Variants in ASB15 observed in about 807,000 individuals in gnomAD.
ASB15 encodes ankyrin repeat and SOCS box containing 15, also known as ankyrin repeat and SOCS box protein 15.
In ASB15, 54 loss-of-function variants were observed where a neutral mutation model predicts 58.0. The ratio of observed to expected loss-of-function variants is 0.93; its 90% CI spans 0.75 to 1.17. ASB15 has a LOEUF of 1.17. ASB15 is among the 50% of genes most tolerant of loss of function. The pLI, the probability that ASB15 is intolerant of heterozygous loss-of-function variation, is 0.00. For missense variants in ASB15, 680 were observed against 707.4 expected (o/e 0.96, Z 0.44); for synonymous variants, 249 against 262.4 (o/e 0.95, Z 0.50).
At position 123,628,921 on chromosome 7, in the gene ASB15, A is replaced by G; in HGVS notation, c.927A>G (p.Leu309=). ...AAAATGCAATTCGGAAAAGTGGGCT[A>G]ACACCAATTCACTCAGCAGCAGATG... ...TSKNAIRKSG[L]TPIHSAADGQ... The change falls in exon 10 of 12, where the codon CTA becomes CTG. Residue 309 remains leucine, a synonymous_variant. Transcript: ENST00000451215. 6.3e-7 allele frequency: 1 copy of G among 1,597,916 alleles called. No individual in the cohort carries two copies. The highest frequency in any genetic ancestry group is 8.5e-7 in the Non-Finnish European group (1 of 1,173,198).
chr7:123,569,089 A>C (rs1025424861), intron 1 of ASB15, among the ~76,000 whole-genome samples: 1 of 152,328 alleles, frequency 6.6e-6, no homozygotes, highest in Admixed American at 6.5e-5. Flanking sequence ...AGTCTATTGA[A>C]GTTTAGTCTG....
intron 1 of ASB15, among the ~76,000 whole-genome samples, chr7:123,588,581 T>C (rs1356998843): frequency 2.0e-5 from 3 of 151,010 alleles, no homozygotes; most frequent in African/African-American, 7.3e-5. Context: ...CTTCCTCCCT[T>C]CCTTCCTTCC....
At chr7:123,579,379 T>C (rs1387809755) in intron 1 of ASB15, among the ~76,000 whole-genome samples, 4 of 152,140 alleles carry the variant, frequency 2.6e-5, no homozygotes, top group Non-Finnish European at 5.9e-5. Flanking sequence ...TGAATAACTA[T>C]TGTTAAATTT....
intron 1 of ASB15, among the ~76,000 whole-genome samples, chr7:123,589,426 T>C (rs1380623554): frequency 1.3e-5 from 2 of 151,630 alleles, no homozygotes; most frequent in Non-Finnish European, 2.9e-5. Context: ...ACCCATCAAC[T>C]CATCATTTAC....
intron 2 of ASB15, among the ~76,000 whole-genome samples, chr7:123,607,365 T>C (rs1800200422): frequency 6.6e-6 from 1 of 152,250 alleles, no homozygotes; most frequent in South Asian, 2.1e-4. Flanking sequence ...TAATGTCTTA[T>C]ACAAATTTCC....
chr7:123,570,022 G>A (rs1348083802), intron 1 of ASB15, among the ~76,000 whole-genome samples: 2 of 144,492 alleles, frequency 1.4e-5, no homozygotes, highest in Non-Finnish European at 3.0e-5. Flanking sequence ...TACAACTACT[G>A]CCATAGCTTT....
At chr7:123,585,864 A>C (rs913801375) in intron 1 of ASB15, among the ~76,000 whole-genome samples, 2 of 151,810 alleles carry the variant, frequency 1.3e-5, no homozygotes, top group Non-Finnish European at 2.9e-5. Flanking sequence ...TTCACCTACT[A>C]TAAGGTCCTC....
chr7:123,630,438 T>C (rs1026897725), intron 11 of ASB15, among the ~76,000 whole-genome samples: 3 of 152,238 alleles, frequency 2.0e-5, no homozygotes, highest in African/African-American at 7.2e-5. Context: ...AGATCTACTT[T>C]GTTTCTTGTT....
chr7:123,569,776 A>G (rs1006183562), intron 1 of ASB15, among the ~76,000 whole-genome samples: 1 of 152,154 alleles, frequency 6.6e-6, no homozygotes, highest in Non-Finnish European at 1.5e-5. Flanking sequence ...TGCAGGGGAC[A>G]TGTAGGAAAC....
At chr7:123,606,823 C>A (rs1172178588) in intron 2 of ASB15, among the ~76,000 whole-genome samples, 1 of 152,144 alleles carries the variant, frequency 6.6e-6, no homozygotes, top group Non-Finnish European at 1.5e-5. Context: ...TGTAAATACA[C>A]AGCACATTTT....
intron 1 of ASB15, among the ~76,000 whole-genome samples, chr7:123,592,651 C>G (rs923287255): frequency 6.6e-6 from 1 of 151,976 alleles, no homozygotes; most frequent in Admixed American, 6.6e-5. Flanking sequence ...TCTGAGAGAC[C>G]GTTTGTTGCG....
At chr7:123,584,741 A>G (rs1405999109) in intron 1 of ASB15, 2 of 152,018 alleles carry the variant, frequency 1.3e-5, no homozygotes, top group Non-Finnish European at 2.9e-5. Context: ...CTATTCACGA[A>G]GAAATAAAAA....
At chr7:123,581,434 G>T (rs1338154493) in intron 1 of ASB15, among the ~76,000 whole-genome samples, 1 of 124,432 alleles carries the variant, frequency 8.0e-6, no homozygotes, top group South Asian at 2.9e-4. Flanking sequence ...AAAAAAAAAG[G>T]TACTCTCCAG....
chr7:123,595,477 T>A (rs947809298), intron 1 of ASB15, among the ~76,000 whole-genome samples: 1 of 152,242 alleles, frequency 6.6e-6, no homozygotes. Flanking sequence ...AGACTATCCT[T>A]TCTGAAGGAA....
intron 1 of ASB15, among the ~76,000 whole-genome samples, chr7:123,602,261 A>T (rs1799914108): frequency 6.6e-6 from 1 of 152,170 alleles, no homozygotes; most frequent in African/African-American, 2.4e-5. Context: ...AATAAAAAAA[A>T]TTAAATAATT....
intron 8 of ASB15, among the ~76,000 whole-genome samples, chr7:123,625,829 C>T (rs983756983): frequency 6.6e-6 from 1 of 152,186 alleles, no homozygotes; most frequent in Non-Finnish European, 1.5e-5. Context: ...CGCATGATCC[C>T]CAGTGATTCC....
rs1802543100 is a variant in ASB15 at position 123,639,449 on chromosome 7, G to A, written c.*2468G>A. The A allele has an allele frequency of 6.6e-6, 1 of 152,112 alleles. No individual in the cohort carries two copies. The highest frequency in any genetic ancestry group is 6.5e-5 in the Admixed American group (1 of 15,274). The allele number at this position is 152,112 out of a possible 1,614,324, so 9.4% of individuals were successfully genotyped here. ...TATTGAGGTTATAAGTCTGCTTTAT[G>A]ATACTTCATATATTAAACTTTTGCT... On this transcript the variant is annotated 3_prime_UTR_variant, in exon 12 of 12. Transcript: ENST00000451215.
upstream of ASB15, among the ~76,000 whole-genome samples, chr7:123,599,213 C>A (rs369683772): frequency 6.6e-6 from 1 of 151,820 alleles, no homozygotes; most frequent in Non-Finnish European, 1.5e-5. Flanking sequence ...GCTTACTAAA[C>A]AACAAAATAA....
intron 3 of ASB15, among the ~76,000 whole-genome samples, chr7:123,611,319 G>C (rs1418835948): frequency 6.6e-6 from 1 of 151,982 alleles, no homozygotes. Context: ...TTTTGAGACG[G>C]AGTCTCGCTC....
Sources: gnomAD v4.1 joint callset for allele counts (sites outside exome capture counted in the v4.1 genomes callset) on GRCh38, gnomAD v4.1.1 for gene constraint, MANE v1.5 for transcripts, NCBI Gene and HGNC (gene_info 2026-07-23, HGNC 2026-07-21) for gene names.